ZRANB3: variants seen among roughly 807,000 people sequenced by gnomAD.
ZRANB3 encodes zinc finger RANBP2-type containing 3.
ZRANB3 carries 125 observed loss-of-function variants against 133.8 expected under a neutral mutation model. The observed-to-expected ratio is 0.93, with a 90% confidence interval of 0.81 to 1.08. The LOEUF is 1.08. Among genes scored for constraint, ZRANB3 ranks in the 50% least tolerant of loss-of-function variants. The pLI is 0.00. For missense variants in ZRANB3, 1,229 were observed against 1,275.5 expected (o/e 0.96, Z 0.56); for synonymous variants, 387 against 432.7 (o/e 0.89, Z 1.31).
chr2:135,522,439 C>T (rs1004362942), intron 1 of ZRANB3, among the ~76,000 whole-genome samples: 1 of 152,074 alleles, frequency 6.6e-6, no homozygotes. Context: ...TTGGGGTACC[C>T]GCCGGGTGGT....
At chr2:135,502,046 T>C (rs1296962792) in intron 2 of ZRANB3, among the ~76,000 whole-genome samples, 1 of 152,166 alleles carries the variant, frequency 6.6e-6, no homozygotes, top group African/African-American at 2.4e-5. Context: ...AGCAGACCTA[T>C]ATTGCCAATG....
chr2:135,404,732 C>G (rs936185233), intron 2 of ZRANB3, among the ~76,000 whole-genome samples: 1 of 152,146 alleles, frequency 6.6e-6, no homozygotes, highest in African/African-American at 2.4e-5. Context: ...AAGGGAAGCC[C>G]ATTAGACTAA....
chr2:135,500,321 G>A (rs1692878712), intron 2 of ZRANB3, among the ~76,000 whole-genome samples: 1 of 152,056 alleles, frequency 6.6e-6, no homozygotes, highest in Non-Finnish European at 1.5e-5. Flanking sequence ...CAAAAGATTT[G>A]TATAAGAACA....
At chr2:135,318,856 T>C (rs1039045348) in intron 6 of ZRANB3, among the ~76,000 whole-genome samples, 1 of 152,156 alleles carries the variant, frequency 6.6e-6, no homozygotes, top group Non-Finnish European at 1.5e-5. Context: ...TGGGGATGGG[T>C]AGACTCCAGA....
rs555349512 is a variant in ZRANB3, at chr2:135,234,295, A to G, written c.1540-3368T>C. On this transcript the variant is annotated intron_variant, in intron 12 of 20. Transcript: ENST00000264159. ...ACAGGAACACTCAGATTCATAAAGC[A>G]AGTCCTTAGAGACCTACAAAGAGAC... 7.9e-4 allele frequency among the ~76,000 whole-genome samples: 121 copies of G among 152,338 alleles called. 1 individual carries two copies. Among genetic ancestry groups the G allele is most frequent in the African/African-American group, 2.6e-3 (107 of 41,568 alleles).
At chr2:135,418,925 CTTTTTTTTTTTT>C (rs769271961) in intron 2 of ZRANB3, among the ~76,000 whole-genome samples, 9,658 of 85,820 alleles carry the variant, frequency 0.11, 936 homozygotes, top group African/African-American at 0.32. Flanking sequence ...AGGATTCTCT[CTTTTTTTTTTTT>C]TTTTTTTTTT....
rs1385613632 is a variant in ZRANB3 at position 135,330,069 on chromosome 2, T to C, written c.678-14539A>G. On this transcript the variant is annotated intron_variant, in intron 6 of 20. Transcript: ENST00000264159. ...ATTTCTTTCTCTTGCCTGATAGCCC[T>C]GGCCAGAACTTCCAACAATATGTTG... 2.6e-5 allele frequency among the ~76,000 whole-genome samples: 4 copies of C among 152,224 alleles called. No individual in the cohort carries two copies. The East Asian group carries it at 7.7e-4, about 29-fold the overall frequency.
chr2:135,472,164 T>G lies in ZRANB3; in HGVS notation c.161+32165A>C, dbSNP rs865985853. Among the ~76,000 whole-genome samples, 7 of 152,280 alleles carry G rather than the reference T, an allele frequency of 4.6e-5. 1 individual carries two copies. The South Asian group carries it at 1.5e-3, about 32-fold the overall frequency. ...GATAACCTCATAGTATATGAATAAT[T>G]TCTATCTTATAGTGTATTCAAATTA... On this transcript the variant is annotated intron_variant, in intron 2 of 20. Coordinates refer to ENST00000264159, the MANE Select transcript of ZRANB3 (RefSeq NM_032143.4).
At chr2:135,275,131 C>A (rs2105125351) in intron 9 of ZRANB3, among the ~76,000 whole-genome samples, 1 of 152,340 alleles carries the variant, frequency 6.6e-6, no homozygotes, top group East Asian at 1.9e-4. Flanking sequence ...TCTCAATGAG[C>A]TGTTGGGTAC....
intron 2 of ZRANB3, among the ~76,000 whole-genome samples, chr2:135,450,926 T>C (rs1247516364): frequency 3.3e-5 from 5 of 152,192 alleles, no homozygotes; most frequent in Non-Finnish European, 7.4e-5. Context: ...TTTAGCCTAG[T>C]ACTCTTCAAT....
At chr2:135,308,979 TCA>T (rs1301928268) in intron 8 of ZRANB3, among the ~76,000 whole-genome samples, 1 of 142,662 alleles carries the variant, frequency 7.0e-6, no homozygotes, top group African/African-American at 2.9e-5. Context: ...AGTAATAACA[TCA>T]TTTTTTTTTT....
chr2:135,392,840 C>G (rs1294583660), intron 2 of ZRANB3, among the ~76,000 whole-genome samples: 1 of 151,794 alleles, frequency 6.6e-6, no homozygotes, highest in African/African-American at 2.4e-5. Flanking sequence ...AATGAAATTT[C>G]ATTGTTCAAA....
At chr2:135,270,385 T>G (rs1218265916) in intron 10 of ZRANB3, among the ~76,000 whole-genome samples, 1 of 152,172 alleles carries the variant, frequency 6.6e-6, no homozygotes, top group Non-Finnish European at 1.5e-5. Context: ...CTACTTTCCT[T>G]TATTCCTATG....
At chr2:135,326,108 G>GA (rs1301747735) in intron 6 of ZRANB3, among the ~76,000 whole-genome samples, 2 of 151,978 alleles carry the variant, frequency 1.3e-5, no homozygotes, top group East Asian at 1.9e-4. Flanking sequence ...AAACTACAGG[G>GA]AAAAAACTAA....
chr2:135,393,487 G>A (rs1038791836), intron 2 of ZRANB3, among the ~76,000 whole-genome samples: 1 of 151,564 alleles, frequency 6.6e-6, no homozygotes, highest in Non-Finnish European at 1.5e-5. Flanking sequence ...GGAATAGAAA[G>A]ACTTGAAAAT....
intron 3 of ZRANB3, among the ~76,000 whole-genome samples, chr2:135,369,097 C>T (rs766826300): frequency 6.6e-6 from 1 of 151,698 alleles, no homozygotes; most frequent in Non-Finnish European, 1.5e-5. Context: ...AAGTAAAGGG[C>T]CTAACTTGTC....
intron 1 of ZRANB3, among the ~76,000 whole-genome samples, chr2:135,529,190 A>G (rs1694286651): frequency 6.6e-6 from 1 of 152,256 alleles, no homozygotes; most frequent in African/African-American, 2.4e-5. Flanking sequence ...ATTAGAATTT[A>G]TCTGAGAAAG....
chr2:135,392,227 T>C (rs1413592635), intron 2 of ZRANB3, among the ~76,000 whole-genome samples: 3 of 150,922 alleles, frequency 2.0e-5, no homozygotes, highest in Non-Finnish European at 4.4e-5. Flanking sequence ...GGTAGGAGGA[T>C]AGATTGAGGC....
chr2:135,369,850 T>C (rs538452847), intron 3 of ZRANB3, among the ~76,000 whole-genome samples: 4 of 152,252 alleles, frequency 2.6e-5, no homozygotes, highest in African/African-American at 9.6e-5. Context: ...ACTTCCAATC[T>C]ACCTCCTCCA....
Sources: gnomAD v4.1 joint callset for allele counts (sites outside exome capture counted in the v4.1 genomes callset) on GRCh38, gnomAD v4.1.1 for gene constraint, MANE v1.5 for transcripts, NCBI Gene and HGNC (gene_info 2026-07-23, HGNC 2026-07-21) for gene names.